The following CPNE8 variants were observed in gnomAD, a reference collection of about 807,000 sequenced individuals.
CPNE8 encodes copine-8.
CPNE8 carries 45 observed loss-of-function variants against 81.5 expected under a neutral mutation model. The ratio of observed to expected loss-of-function variants is 0.55; its 90% confidence interval spans 0.44 to 0.71. CPNE8 has a LOEUF of 0.71. Ranked by LOEUF, CPNE8 falls within the 30% of genes least tolerant of loss-of-function variation. The pLI is 0.00. For synonymous variants in CPNE8, 252 were observed against 226.3 expected (o/e 1.11, Z -1.02); for missense variants, 594 against 672.1 (o/e 0.88, Z 1.28).
At chr12:38,814,924 A>G (rs376660042) in intron 6 of CPNE8, among the ~76,000 whole-genome samples, 10 of 152,120 alleles carry the variant, frequency 6.6e-5, no homozygotes, top group African/African-American at 1.9e-4. Context: ...AACAATTTTA[A>G]CTTTATATAT....
chr12:38,787,891 C>T (rs1942231968), intron 6 of CPNE8, among the ~76,000 whole-genome samples: 1 of 141,712 alleles, frequency 7.1e-6, no homozygotes, highest in Non-Finnish European at 1.5e-5. Context: ...ATGATTGAAA[C>T]TTGAAGAAAT....
chr12:38,773,448 T>A (rs1201533805), intron 7 of CPNE8, among the ~76,000 whole-genome samples: 1 of 152,074 alleles, frequency 6.6e-6, no homozygotes, highest in Non-Finnish European at 1.5e-5. Flanking sequence ...GATGTATACA[T>A]TAAATATGTC....
intron 6 of CPNE8, among the ~76,000 whole-genome samples, chr12:38,799,674 C>G (rs1942604981): frequency 1.3e-5 from 2 of 152,072 alleles, no homozygotes; most frequent in East Asian, 2.0e-4. Context: ...CGAATAGGAA[C>G]AGCTCCGGTC....
intron 6 of CPNE8, among the ~76,000 whole-genome samples, chr12:38,821,947 C>T (rs748838245): frequency 6.6e-6 from 1 of 152,132 alleles, no homozygotes; most frequent in Non-Finnish European, 1.5e-5. Context: ...ACTAAAATTC[C>T]TTCTATCTTT....
intron 6 of CPNE8, among the ~76,000 whole-genome samples, chr12:38,800,937 C>T (rs1184260969): frequency 2.2e-5 from 3 of 138,480 alleles, no homozygotes; most frequent in African/African-American, 8.3e-5. Context: ...TGAAATGAAG[C>T]AAGAAGGGAA....
intron 6 of CPNE8, among the ~76,000 whole-genome samples, chr12:38,798,917 G>A (rs527585080): frequency 5.3e-4 from 80 of 152,246 alleles, no homozygotes; most frequent in African/African-American, 1.9e-3. Context: ...TGATAAAACA[G>A]ACTTTAAACC....
intron 6 of CPNE8, among the ~76,000 whole-genome samples, chr12:38,796,596 C>A (rs1942480322): frequency 6.6e-6 from 1 of 152,160 alleles, no homozygotes. Flanking sequence ...CAGCTCCGGT[C>A]TACAGCTCCC....
At chr12:38,861,006 T>C (rs911584163) in intron 3 of CPNE8, among the ~76,000 whole-genome samples, 6 of 152,056 alleles carry the variant, frequency 3.9e-5, no homozygotes, top group African/African-American at 1.4e-4. Context: ...TAAGTGTTCT[T>C]ATTACAAAAA....
intron 1 of CPNE8, among the ~76,000 whole-genome samples, chr12:38,875,937 T>C (rs1390196182): frequency 6.6e-6 from 1 of 152,198 alleles, no homozygotes; most frequent in African/African-American, 2.4e-5. Context: ...AAGGTAGTTC[T>C]TCACTTAAGT....
chr12:38,785,696 T>C (rs947184683), intron 6 of CPNE8, among the ~76,000 whole-genome samples: 3 of 152,176 alleles, frequency 2.0e-5, no homozygotes, highest in African/African-American at 7.2e-5. Context: ...AGGTATGTCT[T>C]TATTAGCACC....
intron 19 of CPNE8, among the ~76,000 whole-genome samples, chr12:38,667,039 T>C (rs1331594000): frequency 6.6e-6 from 1 of 152,186 alleles, no homozygotes; most frequent in Non-Finnish European, 1.5e-5. Context: ...ATATTTACTA[T>C]ACTAATAAAA....
chr12:38,706,989 G>A (rs1342929470), intron 13 of CPNE8, among the ~76,000 whole-genome samples: 1 of 152,108 alleles, frequency 6.6e-6, no homozygotes, highest in East Asian at 1.9e-4. Flanking sequence ...ATGGCTATTT[G>A]CTAAAGAACC....
At chr12:38,674,826 A>G (rs1939253304) in intron 18 of CPNE8, among the ~76,000 whole-genome samples, 1 of 152,208 alleles carries the variant, frequency 6.6e-6, no homozygotes. Context: ...AGTGATAATT[A>G]CAATCTAGTT....
chr12:38,774,647 T>G (rs1941885867), intron 7 of CPNE8, among the ~76,000 whole-genome samples: 1 of 152,054 alleles, frequency 6.6e-6, no homozygotes, highest in Non-Finnish European at 1.5e-5. Context: ...TTAGTTCACA[T>G]TTTTTGGTTT....
intron 1 of CPNE8, among the ~76,000 whole-genome samples, chr12:38,896,076 G>T (rs887634102): frequency 3.9e-5 from 6 of 152,046 alleles, no homozygotes; most frequent in Non-Finnish European, 8.8e-5. Flanking sequence ...TAGATTTTGA[G>T]ATTAATTTAA....
intron 14 of CPNE8, among the ~76,000 whole-genome samples, chr12:38,701,526 C>T (rs1024380751): frequency 5.9e-5 from 9 of 152,068 alleles, no homozygotes; most frequent in African/African-American, 2.2e-4. Context: ...GATGGAGTCT[C>T]ACTGTCACCC....
chr12:38,820,354 G>A (rs896821358), intron 6 of CPNE8, among the ~76,000 whole-genome samples: 6 of 151,818 alleles, frequency 4.0e-5, no homozygotes, highest in Admixed American at 6.6e-5. Context: ...GCAGTGAGCC[G>A]AGATTGTGCC....
intron 6 of CPNE8, among the ~76,000 whole-genome samples, chr12:38,787,643 A>G (rs543936656): frequency 4.5e-4 from 69 of 152,002 alleles, no homozygotes; most frequent in African/African-American, 1.2e-3. Context: ...AAAATACAAA[A>G]GCTCAATGAA....
intron 16 of CPNE8, among the ~76,000 whole-genome samples, chr12:38,682,283 C>T (rs1225506608): frequency 2.6e-5 from 4 of 152,082 alleles, no homozygotes; most frequent in Non-Finnish European, 5.9e-5. Context: ...CTCAGCCAGG[C>T]GTGGTGGCTT....
Sources: allele counts gnomAD v4.1 joint callset (sites outside exome capture counted in the v4.1 genomes callset), GRCh38; gene constraint gnomAD v4.1.1; transcripts MANE v1.5; gene names NCBI Gene and HGNC (gene_info 2026-07-23, HGNC 2026-07-21).